REDIC1: variants seen among roughly 807,000 people sequenced by gnomAD.
REDIC1 encodes regulator of DNA class I crossover intermediates 1, also known as HEI10 Interacting Protein 1.
chr12:39,677,348 A>G, the REDIC1 span, among the ~76,000 whole-genome samples: 1 of 152,152 alleles, frequency 6.6e-6, no homozygotes, highest in East Asian at 1.9e-4. Flanking sequence ...AAAGACAAAG[A>G]AGGACATTAT....
the REDIC1 span, among the ~76,000 whole-genome samples, chr12:39,865,035 T>C: frequency 1.3e-5 from 2 of 152,206 alleles, no homozygotes; most frequent in African/African-American, 4.8e-5. Flanking sequence ...TTTTAAAAAG[T>C]ACTCCCAATG....
the REDIC1 span, among the ~76,000 whole-genome samples, chr12:39,812,009 A>ACTT: frequency 6.6e-6 from 1 of 152,186 alleles, no homozygotes; most frequent in Non-Finnish European, 1.5e-5. Flanking sequence ...AAAAGAAACA[A>ACTT]CTTTGTTACT....
At chr12:39,635,491 C>T in the REDIC1 span, among the ~76,000 whole-genome samples, 69 of 152,078 alleles carry the variant, frequency 4.5e-4, no homozygotes, top group African/African-American at 1.6e-3. Context: ...ATGTCCTTTG[C>T]GGGGACCTGG....
the REDIC1 span, among the ~76,000 whole-genome samples, chr12:39,859,490 T>C: frequency 1.3e-5 from 2 of 152,072 alleles, no homozygotes; most frequent in African/African-American, 4.8e-5. Flanking sequence ...CCTCTGCAGA[T>C]GACCCTGGTT....
chr12:39,729,200 G>C, the REDIC1 span, among the ~76,000 whole-genome samples: 1 of 152,036 alleles, frequency 6.6e-6, no homozygotes, highest in Admixed American at 6.5e-5. Flanking sequence ...TCTTCTGCTA[G>C]CTTTTGAATT....
the REDIC1 span, chr12:39,757,741 C>A: frequency 1.3e-5 from 2 of 152,082 alleles, no homozygotes; most frequent in East Asian, 3.8e-4. Context: ...ACATTGTTTT[C>A]TTATATCAGG....
chr12:39,865,890 G>A, the REDIC1 span, among the ~76,000 whole-genome samples: 1 of 152,064 alleles, frequency 6.6e-6, no homozygotes, highest in African/African-American at 2.4e-5. Flanking sequence ...GTAGAGGGTG[G>A]GAGAAAGGAG....
At chr12:39,663,686 T>TATA in the REDIC1 span, among the ~76,000 whole-genome samples, 29 of 152,154 alleles carry the variant, frequency 1.9e-4, no homozygotes, top group African/African-American at 6.5e-4. Flanking sequence ...AATGGTTTGA[T>TATA]TTTCTGGTGT....
the REDIC1 span, among the ~76,000 whole-genome samples, chr12:39,738,173 C>T: frequency 3.9e-5 from 6 of 152,060 alleles, no homozygotes; most frequent in South Asian, 2.1e-4. Context: ...GCAGATATAC[C>T]GGTTAAATGC....
chr12:39,885,161 C>T, the REDIC1 span, among the ~76,000 whole-genome samples: 1 of 152,136 alleles, frequency 6.6e-6, no homozygotes, highest in Non-Finnish European at 1.5e-5. Context: ...GGCAAAAGAA[C>T]TGAGTGGGGA....
chr12:39,864,001 T>A, the REDIC1 span, among the ~76,000 whole-genome samples: 1 of 152,224 alleles, frequency 6.6e-6, no homozygotes, highest in Admixed American at 6.5e-5. Context: ...CTAGGTCTTA[T>A]TCTATCTATA....
the REDIC1 span, among the ~76,000 whole-genome samples, chr12:39,653,645 A>G: frequency 1.1e-3 from 161 of 146,272 alleles, 3 homozygotes; most frequent in East Asian, 0.019. Flanking sequence ...CCAAAAGGCC[A>G]GGGAGCAATT....
At chr12:39,859,735 CG>C in the REDIC1 span, among the ~76,000 whole-genome samples, 1 of 152,014 alleles carries the variant, frequency 6.6e-6, no homozygotes, top group African/African-American at 2.4e-5. Flanking sequence ...CCATGTTGGC[CG>C]GGCTGGTCTC....
the REDIC1 span, among the ~76,000 whole-genome samples, chr12:39,893,018 C>T: frequency 6.6e-6 from 1 of 152,190 alleles, no homozygotes; most frequent in South Asian, 2.1e-4. Flanking sequence ...TTAAGCTACT[C>T]TAAATTCAAT....
chr12:39,894,485 G>A, the REDIC1 span, among the ~76,000 whole-genome samples: 1 of 151,560 alleles, frequency 6.6e-6, no homozygotes, highest in African/African-American at 2.4e-5. Context: ...AACAAACAGG[G>A]ATAAAATTAG....
At chr12:39,801,452 A>G in the REDIC1 span, among the ~76,000 whole-genome samples, 1 of 152,092 alleles carries the variant, frequency 6.6e-6, no homozygotes, top group Non-Finnish European at 1.5e-5. Context: ...AGAGAAAATG[A>G]CAATCTGCTT....
At chr12:39,635,694 A>G in the REDIC1 span, among the ~76,000 whole-genome samples, 8 of 152,088 alleles carry the variant, frequency 5.3e-5, no homozygotes. Flanking sequence ...CCTAATGTAA[A>G]TGATGAGTTG....
the REDIC1 span, among the ~76,000 whole-genome samples, chr12:39,629,194 A>C: frequency 6.6e-6 from 1 of 152,192 alleles, no homozygotes; most frequent in East Asian, 1.9e-4. Flanking sequence ...CAAATTGGAG[A>C]TCTAGGTTTC....
the REDIC1 span, among the ~76,000 whole-genome samples, chr12:39,708,182 C>G: frequency 6.6e-6 from 1 of 151,558 alleles, no homozygotes; most frequent in Admixed American, 6.6e-5. Context: ...TGATTTGTAA[C>G]CCAAAGAATC....
Sources: gnomAD v4.1 joint callset for allele counts (sites outside exome capture counted in the v4.1 genomes callset) on GRCh38, gnomAD v4.1.1 for gene constraint, MANE v1.5 for transcripts, NCBI Gene and HGNC (gene_info 2026-07-23, HGNC 2026-07-21) for gene names.